GALNT9: variants seen among roughly 807,000 people sequenced by gnomAD.
GALNT9 encodes GalNAc transferase 9.
Under a neutral mutation model 63.1 loss-of-function variants are expected in GALNT9, and 47 were observed. The ratio of observed to expected loss-of-function variants is 0.75; its 90% CI spans 0.59 to 0.95. The LOEUF (loss-of-function observed/expected upper bound fraction) is 0.95, where lower values mean the gene tolerates loss of function less well. Among genes scored for constraint, GALNT9 ranks in the 40% least tolerant of loss-of-function variants. GALNT9 has a pLI of 0.00. For synonymous variants in GALNT9, 396 were observed against 365.7 expected (o/e 1.08, Z -0.94); for missense variants, 829 against 874.8 (o/e 0.95, Z 0.66).
chr12:132,239,109 G>C (rs1593075910), intron 6 of GALNT9, among the ~76,000 whole-genome samples: 1 of 151,818 alleles, frequency 6.6e-6, no homozygotes, highest in East Asian at 1.9e-4. Flanking sequence ...TTCAGGATGA[G>C]GGAGAATTTT....
chr12:132,326,923 C>T (rs1367298642), intron 1 of GALNT9, among the ~76,000 whole-genome samples: 4 of 152,216 alleles, frequency 2.6e-5, no homozygotes, highest in African/African-American at 4.8e-5. Flanking sequence ...CCGCCCTCCC[C>T]GTAGGGCCCC....
chr12:132,235,560 G>A (rs1474104741), intron 6 of GALNT9, among the ~76,000 whole-genome samples: 1 of 152,118 alleles, frequency 6.6e-6, no homozygotes, highest in African/African-American at 2.4e-5. Flanking sequence ...CCCCTCCAGG[G>A]TGGTCAGCAT....
At chr12:132,305,063 A>G (rs1326486612) in intron 1 of GALNT9, among the ~76,000 whole-genome samples, 2 of 55,828 alleles carry the variant, frequency 3.6e-5, no homozygotes, top group Non-Finnish European at 3.0e-5. Flanking sequence ...AGAATCGCCC[A>G]GACACACCCT....
At chr12:132,223,088 C>A in intron 6 of GALNT9, among the ~76,000 whole-genome samples, 1 of 123,136 alleles carries the variant, frequency 8.1e-6, no homozygotes, top group Non-Finnish European at 1.7e-5. Flanking sequence ...CCCACACACA[C>A]ACCCCACACC....
At chr12:132,208,060 C>T (rs764882185) in intron 6 of GALNT9, among the ~76,000 whole-genome samples, 25 of 152,212 alleles carry the variant, frequency 1.6e-4, no homozygotes, top group African/African-American at 3.6e-4. Flanking sequence ...CCTTGTGCCG[C>T]GCTCCCCGGG....
At chr12:132,198,270 G>C (rs1021726479) in intron 9 of GALNT9, among the ~76,000 whole-genome samples, 11 of 152,258 alleles carry the variant, frequency 7.2e-5, no homozygotes, top group Admixed American at 5.9e-4. Context: ...TCGTTTCGGG[G>C]AGGACAGGAG....
At chr12:132,210,032 C>T (rs1876885144) in intron 6 of GALNT9, among the ~76,000 whole-genome samples, 1 of 152,108 alleles carries the variant, frequency 6.6e-6, no homozygotes. Flanking sequence ...GGATGGGGAC[C>T]CCTTTCTGGT....
chr12:132,214,585 G>C (rs569033030), intron 6 of GALNT9, among the ~76,000 whole-genome samples: 1 of 152,378 alleles, frequency 6.6e-6, no homozygotes, highest in African/African-American at 2.4e-5. Context: ...ATGCCCCAGA[G>C]CTGCTGAGAC....
intron 1 of GALNT9, among the ~76,000 whole-genome samples, chr12:132,287,153 G>A (rs1246247773): frequency 7.4e-6 from 1 of 134,738 alleles, no homozygotes; most frequent in Non-Finnish European, 1.5e-5. Context: ...ACTCACGCAC[G>A]CCAGCCCCCC....
rs1381048928 is a variant in GALNT9, at chr12:132,316,936, C to A, written c.238+12030G>T. 6.6e-6 allele frequency among the ~76,000 whole-genome samples: 1 copy of A among 151,060 alleles called. No individual in the cohort carries two copies. Among genetic ancestry groups the A allele is most frequent in the Non-Finnish European group, 1.5e-5 (1 of 67,740 alleles). ...CACAGAGCACAGCCTGCATCCTACACCCCACAGAGCACAGCCTGCACCCTA... is the reference window on the plus strand; with the variant it reads ...CACAGAGCACAGCCTGCATCCTACAACCCACAGAGCACAGCCTGCACCCTA... On this transcript the variant is annotated intron_variant, in intron 1 of 10. Transcript: ENST00000328957. This position sits in a 1 kb window ranked among gnomAD's most constrained non-coding sequence, Gnocchi z 4.3.
In GALNT9 at chr12:132,236,675, C is replaced by T. The variant is rs1384861688; in HGVS notation, c.1077+11235G>A. 3.3e-5 allele frequency among the ~76,000 whole-genome samples: 5 copies of T among 152,212 alleles called. No individual in the cohort carries two copies. Among genetic ancestry groups the T allele is most frequent in the African/African-American group, 9.7e-5 (4 of 41,444 alleles). On this transcript the variant is annotated intron_variant, in intron 6 of 10. Coordinates refer to ENST00000328957, the MANE Select transcript of GALNT9 (RefSeq NM_001122636.2). The surrounding 1 kb of genome is among the most constrained non-coding windows in gnomAD (Gnocchi z 5.6). ...CGAAAACCAAAGCCATCCCGAAGAT[C>T]GCCCAGCCTCGCAAGGTGTAAGGTT...
chr12:132,323,816 C>G (rs905039335), intron 1 of GALNT9, among the ~76,000 whole-genome samples: 6 of 152,196 alleles, frequency 3.9e-5, no homozygotes, highest in Non-Finnish European at 8.8e-5. Flanking sequence ...TCGGCCGGGG[C>G]GGGGGCCCGG....
At chr12:132,288,659 C>T (rs1414869037) in intron 1 of GALNT9, among the ~76,000 whole-genome samples, 5 of 144,950 alleles carry the variant, frequency 3.4e-5, no homozygotes, top group African/African-American at 7.7e-5. Context: ...AGCGTGGTTC[C>T]GGACGGCTGC....
At chr12:132,254,914 C>T (rs991034865) in intron 5 of GALNT9, among the ~76,000 whole-genome samples, 2 of 152,100 alleles carry the variant, frequency 1.3e-5, no homozygotes, top group Non-Finnish European at 1.5e-5. Flanking sequence ...CTGCTCTGTC[C>T]GAGGGAGCAG....
chr12:132,268,107 A>ACT (rs1879716919), intron 2 of GALNT9, among the ~76,000 whole-genome samples: 1 of 148,144 alleles, frequency 6.8e-6, no homozygotes, highest in South Asian at 2.1e-4. Context: ...ACGCGCACTC[A>ACT]CACACACAAA....
intron 6 of GALNT9, among the ~76,000 whole-genome samples, chr12:132,207,915 C>T (rs562081949): frequency 6.6e-6 from 1 of 152,304 alleles, no homozygotes; most frequent in South Asian, 2.1e-4. Context: ...GCCCCCACCC[C>T]CCACCACGAC....
rs368544545 is a variant in GALNT9 at position 132,201,244 on chromosome 12, G to A, written c.1281C>T (p.Phe427=). ...NIPMSNPGVD[F]GDVSERLALR... is the part of the protein sequence containing the mutation. ...GGGCCAGCCTCTCAGACACGTCCCCGAAGTCCACCCCTGGGTTCTGCAAGG... is the reference window on the plus strand; with the variant it reads ...GGGCCAGCCTCTCAGACACGTCCCCAAAGTCCACCCCTGGGTTCTGCAAGG... The change falls in exon 8 of 11, where the codon TTC becomes TTT. Residue 427 remains phenylalanine, a synonymous_variant. Coordinates refer to ENST00000328957, the MANE Select transcript of GALNT9 (RefSeq NM_001122636.2). 12 of 1,612,880 alleles carry A rather than the reference G, an allele frequency of 7.4e-6. No homozygotes were observed. Among genetic ancestry groups the A allele is most frequent in the South Asian group, 2.2e-5 (2 of 90,974 alleles).
chr12:132,247,977 C>T lies in GALNT9; in HGVS notation c.1010G>A (p.Gly337Glu). The T allele has an allele frequency of 6.4e-7, 1 of 1,551,540 alleles. No individual in the cohort carries two copies. The highest frequency in any genetic ancestry group is 8.7e-7 in the Non-Finnish European group (1 of 1,147,026). ...GCCGGGGTCCAGCAGCCCAATGTCTCCGAAGTACTCGCGGTCCACTACGAA... is the reference window on the plus strand; with the variant it reads ...GCCGGGGTCCAGCAGCCCAATGTCTTCGAAGTACTCGCGGTCCACTACGAA... ...CSFVVDREYF[G>E]DIGLLDPGME... Residue 337 changes from glycine to glutamate, a missense_variant, in exon 6 of 11, where the codon GGA (glycine) becomes GAA (glutamate). Physicochemically the swap from Gly to Glu is moderately conservative, Grantham distance 98. Coordinates refer to ENST00000328957, the MANE Select transcript of GALNT9 (RefSeq NM_001122636.2).
At chr12:132,230,899 T>C (rs1877865893) in intron 6 of GALNT9, among the ~76,000 whole-genome samples, 1 of 152,228 alleles carries the variant, frequency 6.6e-6, no homozygotes, top group East Asian at 1.9e-4. Flanking sequence ...ATTCGGGACG[T>C]CTTGGTGAGA....
Sources: allele counts gnomAD v4.1 joint callset (sites outside exome capture counted in the v4.1 genomes callset), GRCh38; gene constraint gnomAD v4.1.1; non-coding constraint Gnocchi (gnomAD v3.1); transcripts MANE v1.5; gene names NCBI Gene and HGNC (gene_info 2026-07-23, HGNC 2026-07-21).